The following ST6GALNAC3 variants were observed in gnomAD, a reference collection of about 807,000 sequenced individuals.
ST6GALNAC3 encodes alpha-N-acetylgalactosaminide alpha-2,6-sialyltransferase 3.
Under a neutral mutation model 32.7 loss-of-function variants are expected in ST6GALNAC3, and 25 were observed. That is an observed-to-expected ratio of 0.76 (90% confidence interval 0.56 to 1.07). ST6GALNAC3 has a LOEUF of 1.07. ST6GALNAC3 is among the 50% of genes least tolerant of loss of function. The pLI, the probability that ST6GALNAC3 is intolerant of heterozygous loss-of-function variation, is 0.00. For missense variants in ST6GALNAC3, 355 were observed against 382.4 expected (o/e 0.93, Z 0.60); for synonymous variants, 129 against 133.1 (o/e 0.97, Z 0.21).
chr1:76,297,027 G>A (rs1660443579), intron 1 of ST6GALNAC3, among the ~76,000 whole-genome samples: 1 of 151,980 alleles, frequency 6.6e-6, no homozygotes, highest in African/African-American at 2.4e-5. Flanking sequence ...TTGAGCATCA[G>A]CATTGGTCAG....
Position 76,605,993 on chromosome 1 carries a change from C to G in ST6GALNAC3, c.624-21459C>G, listed in dbSNP as rs115807675. 2.0e-3 allele frequency among the ~76,000 whole-genome samples: 302 copies of G among 149,588 alleles called. 1 individual carries two copies. The highest frequency in any genetic ancestry group is 7.0e-3 in the African/African-American group (284 of 40,484). On this transcript the variant is annotated intron_variant, in intron 3 of 4. Coordinates refer to ENST00000328299, the MANE Select transcript of ST6GALNAC3 (RefSeq NM_152996.4). ...ACATCACTGATCATTAAGAGAAATG[C>G]AAATTAAAACCACAATGAGATACCA...
intron 1 of ST6GALNAC3, among the ~76,000 whole-genome samples, chr1:76,118,914 C>T (rs1452530389): frequency 6.6e-6 from 1 of 152,166 alleles, no homozygotes; most frequent in African/African-American, 2.4e-5. Flanking sequence ...CCTCTGTCTC[C>T]CGGGTTCAAG....
intron 1 of ST6GALNAC3, among the ~76,000 whole-genome samples, chr1:76,172,461 C>A (rs969665535): frequency 3.9e-5 from 6 of 152,124 alleles, no homozygotes; most frequent in Non-Finnish European, 1.5e-5. Context: ...CACTCCTGTT[C>A]ACCATAGTAT....
chr1:76,603,129 A>G (rs1334842709), intron 3 of ST6GALNAC3, among the ~76,000 whole-genome samples: 1 of 152,228 alleles, frequency 6.6e-6, no homozygotes, highest in Non-Finnish European at 1.5e-5. Context: ...TATGCTGTCG[A>G]TAGGAGTATA....
At chr1:76,469,561 A>C (rs1375280017) in intron 3 of ST6GALNAC3, among the ~76,000 whole-genome samples, 2 of 152,126 alleles carry the variant, frequency 1.3e-5, no homozygotes, top group African/African-American at 4.8e-5. Flanking sequence ...TGGCTGGAAC[A>C]GTTGTTTCTT....
chr1:76,155,688 A>G (rs1651364793), intron 1 of ST6GALNAC3, among the ~76,000 whole-genome samples: 1 of 151,658 alleles, frequency 6.6e-6, no homozygotes, highest in African/African-American at 2.4e-5. Flanking sequence ...CGTGTTAGCT[A>G]GGATGGTCTC....
chr1:76,508,039 C>T (rs369044185), intron 3 of ST6GALNAC3, among the ~76,000 whole-genome samples: 1 of 152,154 alleles, frequency 6.6e-6, no homozygotes, highest in Admixed American at 6.5e-5. Context: ...TAATGTTGAG[C>T]GTCTTTTCAT....
intron 3 of ST6GALNAC3, among the ~76,000 whole-genome samples, chr1:76,608,063 T>A (rs1241396678): frequency 1.3e-5 from 2 of 152,222 alleles, no homozygotes; most frequent in African/African-American, 4.8e-5. Context: ...TGTGGTTTTC[T>A]ACCCAAAGCT....
intron 2 of ST6GALNAC3, among the ~76,000 whole-genome samples, chr1:76,314,975 C>G (rs907539003): frequency 9.9e-5 from 15 of 151,994 alleles, no homozygotes; most frequent in African/African-American, 3.4e-4. Flanking sequence ...GGTCTACCCC[C>G]TTTTGTAGTC....
At chr1:76,538,497 A>G (rs1663772819) in intron 3 of ST6GALNAC3, among the ~76,000 whole-genome samples, 1 of 152,202 alleles carries the variant, frequency 6.6e-6, no homozygotes, top group African/African-American at 2.4e-5. Context: ...CCTATTCAAC[A>G]TAGTACTGGA....
intron 3 of ST6GALNAC3, among the ~76,000 whole-genome samples, chr1:76,471,655 ATG>A (rs1467348505): frequency 1.3e-5 from 2 of 152,108 alleles, no homozygotes; most frequent in African/African-American, 4.8e-5. Flanking sequence ...GGTGACATAT[ATG>A]TGTTAGGCAT....
intron 1 of ST6GALNAC3, among the ~76,000 whole-genome samples, chr1:76,234,111 G>C (rs1223342062): frequency 6.6e-6 from 1 of 152,178 alleles, no homozygotes; most frequent in Non-Finnish European, 1.5e-5. Context: ...ACCCAGGTTT[G>C]TGCGATAATG....
chr1:76,363,078 G>A (rs1229951074), intron 2 of ST6GALNAC3, among the ~76,000 whole-genome samples: 2 of 152,146 alleles, frequency 1.3e-5, no homozygotes, highest in Non-Finnish European at 2.9e-5. Context: ...AGACATCCAG[G>A]CTTTTCTTTT....
chr1:76,478,019 G>A (rs555615916), intron 3 of ST6GALNAC3, among the ~76,000 whole-genome samples: 1 of 152,188 alleles, frequency 6.6e-6, no homozygotes. Flanking sequence ...TTTGGAAGGG[G>A]AGTAGCAAGG....
chr1:76,175,288 T>TA, intron 1 of ST6GALNAC3, among the ~76,000 whole-genome samples: 1 of 152,128 alleles, frequency 6.6e-6, no homozygotes, highest in South Asian at 2.1e-4. Context: ...TTTTTGGGAG[T>TA]ACTTGTTTTT....
chr1:76,107,847 G>A (rs1014106570), intron 1 of ST6GALNAC3, among the ~76,000 whole-genome samples: 2 of 151,848 alleles, frequency 1.3e-5, no homozygotes, highest in Admixed American at 1.3e-4. Context: ...TTTATTTTTT[G>A]GCCCATTTTT....
intron 3 of ST6GALNAC3, among the ~76,000 whole-genome samples, chr1:76,505,338 G>A (rs2101738113): frequency 6.6e-6 from 1 of 152,192 alleles, no homozygotes; most frequent in South Asian, 2.1e-4. Context: ...TGGCCAGGAT[G>A]GTCTCGATCT....
chr1:76,599,717 CGTGTGTGTGTGTGTGT>C lies in ST6GALNAC3; in HGVS notation c.624-27704_624-27689del, dbSNP rs5775354. Among the ~76,000 whole-genome samples, 25 of 142,104 alleles carry C rather than the reference CGTGTGTGTGTGTGTGT, an allele frequency of 1.8e-4. No homozygotes were observed. The East Asian group carries it at 1.9e-3, about 11-fold the overall frequency. The allele number at this position is 142,104 out of a possible 152,430, so 93.2% of individuals were successfully genotyped here. On this transcript the variant is annotated intron_variant, in intron 3 of 4. Coordinates refer to ENST00000328299, the MANE Select transcript of ST6GALNAC3 (RefSeq NM_152996.4). ...TATTTTATTCCTCCCACTACCGTAT[CGTGTGTGTGTGTGTGT>C]GTGTGTGTGTGTGTGTGTGTGTGTG...
intron 1 of ST6GALNAC3, among the ~76,000 whole-genome samples, chr1:76,106,871 T>C (rs1647568101): frequency 6.6e-6 from 1 of 152,238 alleles, no homozygotes; most frequent in Admixed American, 6.5e-5. Flanking sequence ...ATGGGAAAAG[T>C]GTGCATGGCA....
Sources: allele counts gnomAD v4.1 joint callset (sites outside exome capture counted in the v4.1 genomes callset), GRCh38; gene constraint gnomAD v4.1.1; transcripts MANE v1.5; gene names NCBI Gene and HGNC (gene_info 2026-07-23, HGNC 2026-07-21).